Variants in KCNQ5 observed in about 807,000 individuals in gnomAD.
KCNQ5 encodes the protein potassium voltage-gated channel subfamily KQT member 5.
Under a neutral mutation model 98.2 loss-of-function variants are expected in KCNQ5, and 30 were observed. That is an observed-to-expected ratio of 0.31 (90% CI 0.23 to 0.41). KCNQ5 has a LOEUF of 0.41. Ranked by LOEUF, KCNQ5 falls within the 10% of genes least tolerant of loss-of-function variation. The pLI is 1.00. For synonymous variants in KCNQ5, 458 were observed against 449.4 expected (o/e 1.02, Z -0.24); for missense variants, 835 against 1,182.5 (o/e 0.71, Z 4.31).
At chr6:72,959,559 A>C (rs1767238886) in intron 1 of KCNQ5, among the ~76,000 whole-genome samples, 1 of 152,234 alleles carries the variant, frequency 6.6e-6, no homozygotes, top group Non-Finnish European at 1.5e-5. Flanking sequence ...GGCATAATTT[A>C]CTACAGCATA....
At chr6:73,025,937 G>A (rs780930333) in intron 2 of KCNQ5, among the ~76,000 whole-genome samples, 73 of 152,164 alleles carry the variant, frequency 4.8e-4, no homozygotes, top group Non-Finnish European at 1.0e-3. Context: ...ATCGTCTAAT[G>A]AGGATATGAT....
intron 3 of KCNQ5, among the ~76,000 whole-genome samples, chr6:73,067,484 C>T (rs756299771): frequency 6.6e-6 from 1 of 152,084 alleles, no homozygotes; most frequent in Non-Finnish European, 1.5e-5. Context: ...GATCTATTCC[C>T]TATTTGCAGG....
At chr6:73,168,109 A>G (rs1777872787) in intron 10 of KCNQ5, among the ~76,000 whole-genome samples, 1 of 152,182 alleles carries the variant, frequency 6.6e-6, no homozygotes, top group African/African-American at 2.4e-5. Context: ...GTCTACATGT[A>G]TCTCATCATC....
chr6:72,838,243 C>A (rs1179676088), intron 1 of KCNQ5, among the ~76,000 whole-genome samples: 1 of 151,690 alleles, frequency 6.6e-6, no homozygotes, highest in Non-Finnish European at 1.5e-5. Context: ...CCTATGGACA[C>A]CAGTATTGAT....
chr6:73,190,547 T>G, intron 11 of KCNQ5, 26 bp from the exon 12 acceptor site: 5 of 1,264,878 alleles, frequency 4.0e-6, no homozygotes, highest in Non-Finnish European at 5.4e-6. Context: ...GTTATAAAGA[T>G]TAATATGTAA....
At chr6:72,687,908 G>A (rs1435416443) in intron 1 of KCNQ5, among the ~76,000 whole-genome samples, 2 of 149,332 alleles carry the variant, frequency 1.3e-5, no homozygotes, top group East Asian at 2.0e-4. Flanking sequence ...GCGTGATGTC[G>A]GCTCATTGCA....
intron 1 of KCNQ5, among the ~76,000 whole-genome samples, chr6:72,966,669 C>T (rs1406532417): frequency 1.3e-5 from 2 of 152,172 alleles, no homozygotes; most frequent in African/African-American, 2.4e-5. Context: ...TATGCTAAAA[C>T]TTAACTTTCA....
chr6:72,736,336 A>G (rs910174272), intron 1 of KCNQ5, among the ~76,000 whole-genome samples: 50 of 152,250 alleles, frequency 3.3e-4, no homozygotes, highest in Non-Finnish European at 6.8e-4. Flanking sequence ...AAGGGGCATA[A>G]TTGAGTAAAT....
intron 1 of KCNQ5, among the ~76,000 whole-genome samples, chr6:72,942,297 C>T (rs1766348796): frequency 6.6e-6 from 1 of 152,076 alleles, no homozygotes; most frequent in Non-Finnish European, 1.5e-5. Context: ...CTGTAGTATC[C>T]AAATTAAACC....
intron 3 of KCNQ5, among the ~76,000 whole-genome samples, chr6:73,043,637 G>A (rs761847868): frequency 2.0e-5 from 3 of 152,146 alleles, no homozygotes; most frequent in Non-Finnish European, 4.4e-5. Flanking sequence ...AATTCACAAG[G>A]CAGATGGTTA....
chr6:72,852,661 A>ATATATATATATATATATATATAT (rs60436919), intron 1 of KCNQ5, among the ~76,000 whole-genome samples: 6 of 125,374 alleles, frequency 4.8e-5, no homozygotes, highest in South Asian at 2.6e-4. Context: ...ATATATATAT[A>ATATATATATATATATATATATAT]AATGGCACTT....
chr6:72,976,669 T>G (rs1215547330), intron 1 of KCNQ5, among the ~76,000 whole-genome samples: 1 of 152,246 alleles, frequency 6.6e-6, no homozygotes, highest in Admixed American at 6.5e-5. Context: ...GTGGTCATTT[T>G]AATGATGACT....
chr6:72,753,297 T>G (rs973477893), intron 1 of KCNQ5, among the ~76,000 whole-genome samples: 9 of 152,104 alleles, frequency 5.9e-5, no homozygotes, highest in African/African-American at 2.2e-4. Context: ...ATTTCTTATA[T>G]TTTTGAGTTG....
chr6:72,886,984 AATG>A (rs1382064208), intron 1 of KCNQ5, among the ~76,000 whole-genome samples: 6 of 152,334 alleles, frequency 3.9e-5, no homozygotes, highest in Admixed American at 3.3e-4. Flanking sequence ...GACAAAAAAG[AATG>A]ATGAGTATTA....
rs553653984 is a variant in KCNQ5 at position 72,793,146 on chromosome 6, G to A, written c.398+170559G>A. ...TGCTGGACAGTTATGTAGGTAAAAAGCCTGTTTGTAATCATCTGAACTTAA... is the reference window on the plus strand; with the variant it reads ...TGCTGGACAGTTATGTAGGTAAAAAACCTGTTTGTAATCATCTGAACTTAA... On this transcript the variant is annotated intron_variant, in intron 1 of 13. Transcript: ENST00000370398. Among the ~76,000 whole-genome samples the A allele has an allele frequency of 5.9e-5, 9 of 152,338 alleles. No individual in the cohort carries two copies. The South Asian group carries it at 1.0e-3, about 18-fold the overall frequency.
intron 1 of KCNQ5, among the ~76,000 whole-genome samples, chr6:72,798,396 A>T (rs1165473278): frequency 6.6e-6 from 1 of 152,140 alleles, no homozygotes; most frequent in African/African-American, 2.4e-5. Context: ...TCTGCTCTTA[A>T]ATGGTTTAAA....
intron 1 of KCNQ5, among the ~76,000 whole-genome samples, chr6:72,956,756 C>A (rs1356589626): frequency 6.6e-6 from 1 of 151,650 alleles, no homozygotes; most frequent in Non-Finnish European, 1.5e-5. Flanking sequence ...ATGTATTCAA[C>A]AGATTAAAAC....
chr6:73,061,587 A>G (rs1225162555), intron 3 of KCNQ5, among the ~76,000 whole-genome samples: 1 of 152,190 alleles, frequency 6.6e-6, no homozygotes, highest in Non-Finnish European at 1.5e-5. Context: ...TAGGATTTCC[A>G]TGTGCACCTC....
intron 2 of KCNQ5, among the ~76,000 whole-genome samples, chr6:73,007,748 C>T (rs530074482): frequency 1.5e-4 from 23 of 152,258 alleles, no homozygotes; most frequent in Admixed American, 5.9e-4. Flanking sequence ...AATCTGACCT[C>T]GGATCACTAA....
Sources: allele counts gnomAD v4.1 joint callset (sites outside exome capture counted in the v4.1 genomes callset), GRCh38; gene constraint gnomAD v4.1.1; transcripts MANE v1.5; gene names NCBI Gene and HGNC (gene_info 2026-07-23, HGNC 2026-07-21).